Variants in ZNF729 observed in about 807,000 individuals in gnomAD.
ZNF729 encodes the protein zinc finger protein 729.
In ZNF729, 15 loss-of-function variants were observed where a neutral mutation model predicts 12.2. The observed-to-expected ratio is 1.23, with a 90% confidence interval of 0.82 to 1.89. The LOEUF is 1.89. Among genes scored for constraint, ZNF729 ranks in the 40% most tolerant of loss-of-function variants. ZNF729 has a pLI of 0.00. For missense variants in ZNF729, 1,540 were observed against 1,456.7 expected, an observed-to-expected ratio of 1.06 and a Z score of -0.93; for synonymous variants, 492 against 476.3, an observed-to-expected ratio of 1.03 and a Z score of -0.43.
chr19:22,308,907 A>C (rs1028122289), intron 3 of ZNF729, among the ~76,000 whole-genome samples: 1 of 152,088 alleles, frequency 6.6e-6, no homozygotes, highest in African/African-American at 2.4e-5. Context: ...CAAGATACAG[A>C]GAGAACCCTC....
At chr19:22,306,557 T>A (rs2145052446) in intron 3 of ZNF729, among the ~76,000 whole-genome samples, 1 of 151,400 alleles carries the variant, frequency 6.6e-6, no homozygotes, top group Middle Eastern at 3.4e-3. Flanking sequence ...TTGTTTAATT[T>A]TGTAGTGGCA....
At chr19:22,294,876 C>T (rs1324218269) in intron 1 of ZNF729, among the ~76,000 whole-genome samples, 1 of 151,704 alleles carries the variant, frequency 6.6e-6, no homozygotes, top group Admixed American at 6.6e-5. Context: ...AGGCTGGTTT[C>T]GATCTCCTGA....
At chr19:22,305,735 C>T (rs984675757) in intron 3 of ZNF729, among the ~76,000 whole-genome samples, 7 of 152,128 alleles carry the variant, frequency 4.6e-5, no homozygotes, top group Admixed American at 3.3e-4. Context: ...AAATTGGTCT[C>T]TTGTAGGAAC....
At chr19:22,304,178 A>G (rs1248094239) in intron 2 of ZNF729, among the ~76,000 whole-genome samples, 4 of 151,674 alleles carry the variant, frequency 2.6e-5, no homozygotes, top group Non-Finnish European at 5.9e-5. Flanking sequence ...AGCTGGGACT[A>G]TAGGCATGCG....
intron 1 of ZNF729, 27 bp from the exon 2 acceptor site, chr19:22,303,729 GTA>G (rs960326443): frequency 6.6e-7 from 1 of 1,516,108 alleles, no homozygotes; most frequent in African/African-American, 1.4e-5. Context: ...CTTGGGAAAT[GTA>G]TATGTGTCTT....
chr19:22,297,333 C>G (rs77279152), intron 1 of ZNF729, among the ~76,000 whole-genome samples: 3,775 of 150,886 alleles, frequency 0.025, 156 homozygotes, highest in African/African-American at 0.087. Context: ...ACACAGTGTG[C>G]CCAAGGATAC....
At chr19:22,292,840 G>C (rs1233165605) in intron 1 of ZNF729, among the ~76,000 whole-genome samples, 4 of 152,156 alleles carry the variant, frequency 2.6e-5, no homozygotes, top group African/African-American at 9.7e-5. Context: ...TGTATGTGCA[G>C]GTGTCTTTAT....
Position 22,313,959 on chromosome 19 carries a change from A to G in ZNF729, c.542A>G (p.Lys181Arg). The G allele has an allele frequency of 6.5e-7, 1 of 1,537,256 alleles. No homozygotes were observed. The highest frequency in any genetic ancestry group is 8.7e-7 in the Non-Finnish European group (1 of 1,144,434). Residue 181 changes from lysine (K) to arginine (R), a missense_variant, in exon 4 of 4, where the codon AAA (lysine) becomes AGA (arginine). Transcript: ENST00000601693. ...AGACACACTAAAAAGAAAACTTTCA[A>G]ATGTATAAAATGTAGCAAATCATTT... is the stretch of plus-strand genomic sequence containing the variant. ...KVRHTKKKTF[K>R]CIKCSKSFFM... is the part of the protein sequence containing the mutation.
intron 1 of ZNF729, among the ~76,000 whole-genome samples, chr19:22,298,154 T>A (rs1968256888): frequency 6.6e-6 from 1 of 152,152 alleles, no homozygotes; most frequent in Non-Finnish European, 1.5e-5. Flanking sequence ...TTACGTGTAG[T>A]GTTTGTAGAC....
intron 3 of ZNF729, among the ~76,000 whole-genome samples, chr19:22,307,237 C>G (rs1968389592): frequency 6.7e-6 from 1 of 148,742 alleles, no homozygotes; most frequent in African/African-American, 2.5e-5. Context: ...AACTCCTGGT[C>G]TGAAGTTATC....
At chr19:22,291,881 C>T (rs1057023025) in intron 1 of ZNF729, among the ~76,000 whole-genome samples, 2 of 152,064 alleles carry the variant, frequency 1.3e-5, no homozygotes, top group Non-Finnish European at 2.9e-5. Context: ...CTACAGGTGG[C>T]TGCCACCACG....
intron 3 of ZNF729, among the ~76,000 whole-genome samples, chr19:22,309,162 C>T (rs1968420192): frequency 6.6e-6 from 1 of 152,032 alleles, no homozygotes; most frequent in Admixed American, 6.6e-5. Flanking sequence ...AAAGAGTATC[C>T]CTGGCCGGGT....
At chr19:22,293,162 A>G (rs750823767) in intron 1 of ZNF729, among the ~76,000 whole-genome samples, 1 of 152,084 alleles carries the variant, frequency 6.6e-6, no homozygotes, top group Non-Finnish European at 1.5e-5. Context: ...TATTTTGAAA[A>G]ACATTTGTTC....
At position 22,316,983 on chromosome 19, in the gene ZNF729, A is replaced by G. The variant is rs1418288489; in HGVS notation, c.3566A>G (p.Lys1189Arg). The G allele has an allele frequency of 6.2e-7, 1 of 1,612,756 alleles. No individual in the cohort carries two copies. Among genetic ancestry groups the G allele is most frequent in the Non-Finnish European group, 8.5e-7 (1 of 1,180,000 alleles). ...ATTCATACTGGAGAGAAACCCTACA[A>G]ATGTGAAGAATGTGGCAAAGCTTTT... ...KTIHTGEKPY[K>R]CEECGKAFIQ... The change falls in exon 4 of 4, where the codon AAA (lysine) becomes AGA (arginine). Residue 1189 changes from lysine to arginine, a missense_variant. Physicochemically the swap from Lys to Arg is conservative, Grantham distance 26. Coordinates refer to ENST00000601693, the MANE Select transcript of ZNF729 (RefSeq NM_001242680.2).
Position 22,315,143 on chromosome 19 carries a change from G to A in ZNF729, c.1726G>A (p.Glu576Lys), listed in dbSNP as rs759633372. ...TGGAGAGAAACCCTGCAAATGTGAAGAATGTGGCAAAGCTTTTAAGCATTT... is the reference window on the plus strand; with the variant it reads ...TGGAGAGAAACCCTGCAAATGTGAAAAATGTGGCAAAGCTTTTAAGCATTT... ...HTGEKPCKCE[E>K]CGKAFKHFSA... The change falls in exon 4 of 4, where the codon GAA (glutamate) becomes AAA (lysine). Residue 576 changes from glutamate to lysine, a missense_variant. By Grantham distance (56) the Glu-to-Lys change is moderately conservative. Transcript: ENST00000601693. 10 of 1,611,424 alleles carry A rather than the reference G, an allele frequency of 6.2e-6. No homozygotes were observed. Among genetic ancestry groups the A allele is most frequent in the South Asian group, 2.2e-5 (2 of 91,056 alleles).
chr19:22,303,996 C>A, intron 2 of ZNF729, 112 bp downstream of exon 2: 1 of 1,082,806 alleles, frequency 9.2e-7, no homozygotes, highest in Non-Finnish European at 1.2e-6. Context: ...TTTCACATCC[C>A]TGTTTTCTGG....
At chr19:22,289,780 G>A (rs543398748) in intron 1 of ZNF729, among the ~76,000 whole-genome samples, 51 of 152,182 alleles carry the variant, frequency 3.4e-4, no homozygotes, top group South Asian at 2.1e-3. Flanking sequence ...ATTTGTAACC[G>A]TGAATATCTC....
At chr19:22,297,460 A>G (rs1968243097) in intron 1 of ZNF729, among the ~76,000 whole-genome samples, 1 of 152,006 alleles carries the variant, frequency 6.6e-6, no homozygotes, top group African/African-American at 2.4e-5. Context: ...TTATTCTCCT[A>G]TAGGAAAATA....
At position 22,307,875 on chromosome 19, in the gene ZNF729, T is replaced by G. The variant is rs549702812; in HGVS notation, c.253+3092T>G. On this transcript the variant is annotated intron_variant, in intron 3 of 3. Transcript: ENST00000601693. ...TTATTTTTATTTATTTATTTTTTCT[T>G]AAGTTATTGGGGTACAAGTGGTGTT... is the stretch of plus-strand genomic sequence containing the variant. Among the ~76,000 whole-genome samples the G allele has an allele frequency of 1.0e-4, 15 of 150,084 alleles. No individual in the cohort carries two copies. The South Asian group carries it at 3.0e-3, about 30-fold the overall frequency.
Sources: allele counts gnomAD v4.1 joint callset (sites outside exome capture counted in the v4.1 genomes callset), GRCh38; gene constraint gnomAD v4.1.1; transcripts MANE v1.5; gene names NCBI Gene and HGNC (gene_info 2026-07-23, HGNC 2026-07-21).